ATP6V0A4: variants seen among roughly 807,000 people sequenced by gnomAD.
ATP6V0A4 encodes the protein V-type proton ATPase 116 kDa subunit a 4.
ATP6V0A4 carries 86 observed loss-of-function variants against 107.3 expected under a neutral mutation model. That is an observed-to-expected ratio of 0.80 (90% confidence interval 0.67 to 0.96). The LOEUF (loss-of-function observed/expected upper bound fraction) is 0.96. Ranked by LOEUF, ATP6V0A4 falls within the 40% of genes least tolerant of loss-of-function variation. ATP6V0A4 has a pLI of 0.00. For synonymous variants in ATP6V0A4, 353 were observed against 381.4 expected (o/e 0.93, Z 0.87); for missense variants, 908 against 1,045.6 (o/e 0.87, Z 1.81).
At chr7:138,730,689 A>C (rs1405030176) in intron 17 of ATP6V0A4, among the ~76,000 whole-genome samples, 2 of 152,156 alleles carry the variant, frequency 1.3e-5, no homozygotes, top group African/African-American at 4.8e-5. Context: ...GGTGAATCTG[A>C]GTTCTCTGCC....
At position 138,718,378 on chromosome 7, in the gene ATP6V0A4, G is replaced by A. The variant is rs1204025864; in HGVS notation, c.2140-2497C>T. Reference sequence around the variant, plus strand: ...GGAAGGAAGGGGGGAATGCAGTCACGGATGTCTGTGGAGGGAGACGTCCAG... The same window carrying A: ...GGAAGGAAGGGGGGAATGCAGTCACAGATGTCTGTGGAGGGAGACGTCCAG... On this transcript the variant is annotated intron_variant, in intron 19 of 21. Coordinates refer to ENST00000310018, the MANE Select transcript of ATP6V0A4 (RefSeq NM_020632.3). Among the ~76,000 whole-genome samples, 5 of 117,952 alleles carry A rather than the reference G, an allele frequency of 4.2e-5. No homozygotes were observed. In the East Asian group the frequency reaches 1.2e-3, roughly 29 times the overall value. The allele number at this position is 117,952 out of a possible 152,430, so 77.4% of individuals were successfully genotyped here. A position where few individuals can be genotyped will look rare whatever the true frequency, so the allele number is the denominator to read the frequency against.
intron 2 of ATP6V0A4, among the ~76,000 whole-genome samples, chr7:138,775,483 A>AT (rs1315180962): frequency 8.6e-5 from 13 of 150,878 alleles, no homozygotes; most frequent in Admixed American, 4.6e-4. Flanking sequence ...TGTGATTTGC[A>AT]TTTTTTTTTA....
intron 18 of ATP6V0A4, among the ~76,000 whole-genome samples, chr7:138,725,377 A>G (rs1804654796): frequency 6.6e-6 from 1 of 152,256 alleles, no homozygotes; most frequent in Admixed American, 6.5e-5. Flanking sequence ...TGGATGAGAG[A>G]AGATAGATCC....
chr7:138,768,095 G>A (rs962346595), intron 5 of ATP6V0A4, among the ~76,000 whole-genome samples: 5 of 151,960 alleles, frequency 3.3e-5, no homozygotes, highest in Admixed American at 1.3e-4. Context: ...CACCACCCCC[G>A]GCTAATTTTT....
intron 19 of ATP6V0A4, among the ~76,000 whole-genome samples, chr7:138,717,728 T>G (rs1804118471): frequency 6.6e-6 from 1 of 151,236 alleles, no homozygotes; most frequent in African/African-American, 2.4e-5. Flanking sequence ...GCCAACATGG[T>G]GAGACCCTAC....
chr7:138,747,803 G>T, intron 12 of ATP6V0A4: 1 of 492,470 alleles, frequency 2.0e-6, no homozygotes, highest in Non-Finnish European at 3.5e-6. Flanking sequence ...CACCCAGGCT[G>T]GAGTGCAGTG....
chr7:138,787,547 G>T (rs1808226357), intron 1 of ATP6V0A4, among the ~76,000 whole-genome samples: 1 of 152,174 alleles, frequency 6.6e-6, no homozygotes, highest in South Asian at 2.1e-4. Flanking sequence ...AGCTACTAAG[G>T]AGGCTGAGGT....
chr7:138,747,497 G>T lies in ATP6V0A4; in HGVS notation c.1248C>A (p.Thr416=). 1 of 1,614,076 alleles carries T rather than the reference G, an allele frequency of 6.2e-7. No individual in the cohort carries two copies. Among genetic ancestry groups the T allele is most frequent in the East Asian group, 2.2e-5 (1 of 44,872 alleles). Residue 416 remains threonine, a synonymous_variant, in exon 13 of 22, where the codon ACC becomes ACA. Transcript: ENST00000310018. Reference sequence around the variant, plus strand: ...TCCAAAGTGCAGCCAGGAGCATCACGGTTCCATGACCACAGTCTCCAAACA... The same window carrying T: ...TCCAAAGTGCAGCCAGGAGCATCACTGTTCCATGACCACAGTCTCCAAACA... The part of the protein sequence containing the change: ...AVMFGDCGHG[T]VMLLAALWMI...
At chr7:138,717,909 GAAAAAA>G (rs55813379) in intron 19 of ATP6V0A4, among the ~76,000 whole-genome samples, 24 of 70,938 alleles carry the variant, frequency 3.4e-4, no homozygotes, top group African/African-American at 9.8e-4. Flanking sequence ...CTCTGTCTCG[GAAAAAA>G]AAAAAAAAAA....
At chr7:138,755,503 C>T (rs985191474) in intron 10 of ATP6V0A4, among the ~76,000 whole-genome samples, 186 bp downstream of exon 10, 3 of 152,170 alleles carry the variant, frequency 2.0e-5, no homozygotes, top group Non-Finnish European at 2.9e-5. Context: ...GACACAGCTT[C>T]GTTCCCTCTA....
intron 10 of ATP6V0A4, among the ~76,000 whole-genome samples, chr7:138,754,547 C>A (rs577459048): frequency 6.6e-6 from 1 of 152,056 alleles, no homozygotes; most frequent in African/African-American, 2.4e-5. Flanking sequence ...AATTTCTTAA[C>A]ATACTTGTCC....
rs1166067620 is a variant in ATP6V0A4 at position 138,706,483 on chromosome 7, G to A, written c.*141C>T. 10 of 1,051,182 alleles carry A rather than the reference G, an allele frequency of 9.5e-6. No individual in the cohort carries two copies. The highest frequency in any genetic ancestry group is 3.2e-5 in the African/African-American group (2 of 63,380). 65.1% of individuals were successfully genotyped at this position (1,051,182 alleles called of 1,614,324 possible). A position where few individuals can be genotyped will look rare whatever the true frequency, so the allele number is the denominator to read the frequency against. On this transcript the variant is annotated 3_prime_UTR_variant, in exon 22 of 22. Coordinates refer to ENST00000310018, the MANE Select transcript of ATP6V0A4 (RefSeq NM_020632.3). ...AGTCGTATCAAATCCACAGGCTGACGTCCAAATAATACACAGTTTCATGCT... is the reference window on the plus strand; with the variant it reads ...AGTCGTATCAAATCCACAGGCTGACATCCAAATAATACACAGTTTCATGCT...
intron 3 of ATP6V0A4, 121 bp from the exon 4 acceptor site, chr7:138,769,372 T>C (rs1807263192): frequency 6.9e-7 from 1 of 1,439,026 alleles, no homozygotes; most frequent in Non-Finnish European, 9.2e-7. Flanking sequence ...TGGAGGGCAA[T>C]GGCGCGATCT....
intron 14 of ATP6V0A4, among the ~76,000 whole-genome samples, chr7:138,744,358 C>T (rs544383643): frequency 6.7e-6 from 1 of 149,990 alleles, no homozygotes. Flanking sequence ...GTGCCTTGGC[C>T]TCCTTAGTAG....
chr7:138,729,690 C>T (rs530243523), intron 17 of ATP6V0A4, among the ~76,000 whole-genome samples: 42 of 152,290 alleles, frequency 2.8e-4, no homozygotes, highest in Admixed American at 2.4e-3. Context: ...TCGGAAGGCT[C>T]GGTCAGGGCT....
At position 138,755,759 on chromosome 7, in the gene ATP6V0A4, C is replaced by A; in HGVS notation, c.746G>T (p.Cys249Phe). ...CDGFRATVYPCPEPAVERREM... is the reference protein window; with the variant it reads ...CDGFRATVYPFPEPAVERREM... The stretch of plus-strand genomic sequence containing the variant: ...TCTGCGCTCCACCGCAGGCTCTGGG[C>A]AAGGGTAGACAGTGGCTCGAAACCT... Residue 249 changes from cysteine to phenylalanine, a missense_variant, in exon 10 of 22, where the codon TGC becomes TTC. Coordinates refer to ENST00000310018, the MANE Select transcript of ATP6V0A4 (RefSeq NM_020632.3). 1 of 1,613,708 alleles carries A rather than the reference C, an allele frequency of 6.2e-7. No homozygotes were observed. The highest frequency in any genetic ancestry group is 8.5e-7 in the Non-Finnish European group (1 of 1,180,038).
intron 15 of ATP6V0A4, among the ~76,000 whole-genome samples, chr7:138,737,127 T>TATATATA (rs1365519910): frequency 7.6e-5 from 10 of 131,520 alleles, no homozygotes; most frequent in East Asian, 3.1e-4. Flanking sequence ...TATATATATA[T>TATATATA]GATACAAACT....
chr7:138,739,554 A>G lies in ATP6V0A4; in HGVS notation c.1558T>C (p.Phe520Leu). Residue 520 changes from phenylalanine to leucine, a missense_variant, in exon 15 of 22, where the codon TTT (phenylalanine) becomes CTT (leucine). Phe to Leu is a conservative substitution (Grantham distance 22, BLOSUM62 0). Transcript: ENST00000310018. ...GACATTATTACCGGATCAATCCCAA[A>G]CGGGTATGGATTTCCAAAATACACT... Reference protein sequence around the residue: ...PGVYFGNPYPFGIDPIWNLAS... With the variant: ...PGVYFGNPYPLGIDPIWNLAS... 6.2e-7 allele frequency: 1 copy of G among 1,614,200 alleles called. No individual in the cohort carries two copies. The highest frequency in any genetic ancestry group is 8.5e-7 in the Non-Finnish European group (1 of 1,180,042).
At chr7:138,706,905 T>TC in intron 21 of ATP6V0A4, 188 bp from the exon 22 acceptor site, 2 of 574,944 alleles carry the variant, frequency 3.5e-6, no homozygotes, top group Non-Finnish European at 4.3e-6. Flanking sequence ...TTTTTTTTTT[T>TC]TTTTTTGAGA....
Sources: gnomAD v4.1 joint callset for allele counts (sites outside exome capture counted in the v4.1 genomes callset) on GRCh38, gnomAD v4.1.1 for gene constraint, MANE v1.5 for transcripts, NCBI Gene and HGNC (gene_info 2026-07-23, HGNC 2026-07-21) for gene names.